Variants in LIPC observed in about 807,000 individuals in gnomAD.
The protein encoded by LIPC is hepatic triacylglycerol lipase.
A neutral mutation model predicts 50.7 loss-of-function variants in LIPC; 44 were observed. That is an observed-to-expected ratio of 0.87 (90% CI 0.68 to 1.11). The LOEUF is 1.11. Ranked by LOEUF, LIPC falls within the 50% of genes most tolerant of loss-of-function variation. The pLI is 0.00. For missense variants in LIPC, 697 were observed against 648.2 expected, an observed-to-expected ratio of 1.08 and a Z score of -0.82; for synonymous variants, 271 against 256.4, an observed-to-expected ratio of 1.06 and a Z score of -0.54.
chr15:58,548,275 G>C (rs1893607166), intron 5 of LIPC, 55 bp from the exon 6 acceptor site: 2 of 1,613,112 alleles, frequency 1.2e-6, no homozygotes, highest in South Asian at 1.1e-5. Flanking sequence ...GATCCTCTGA[G>C]TTGAGGCTGC....
intron 1 of LIPC, among the ~76,000 whole-genome samples, chr15:58,447,228 T>A (rs1468641551): frequency 4.0e-5 from 6 of 150,350 alleles, no homozygotes; most frequent in Admixed American, 4.0e-4. Context: ...CCGGAGCTCA[T>A]GGAAAGCATC....
At chr15:58,450,386 G>C (rs1280059993) in intron 1 of LIPC, among the ~76,000 whole-genome samples, 2 of 152,120 alleles carry the variant, frequency 1.3e-5, no homozygotes, top group African/African-American at 2.4e-5. Context: ...TTCTGTTGCT[G>C]GTCCTGCATC....
intron 6 of LIPC, 38 bp downstream of exon 6, chr15:58,548,610 T>C: frequency 6.4e-7 from 1 of 1,571,396 alleles, no homozygotes. Flanking sequence ...AAGGGCAGGA[T>C]GCAGTCCCCT....
intron 1 of LIPC, among the ~76,000 whole-genome samples, chr15:58,462,232 C>T (rs1894378788): frequency 6.6e-6 from 1 of 152,184 alleles, no homozygotes; most frequent in Non-Finnish European, 1.5e-5. Flanking sequence ...GAGGCTGGGC[C>T]TTAGTACAGT....
chr15:58,476,003 A>G (rs1046143469), intron 1 of LIPC, among the ~76,000 whole-genome samples: 1 of 152,244 alleles, frequency 6.6e-6, no homozygotes, highest in Admixed American at 6.5e-5. Context: ...GTGACAGATC[A>G]TTTACGGGAT....
intron 8 of LIPC, chr15:58,565,767 G>A: frequency 2.0e-6 from 2 of 988,928 alleles, no homozygotes; most frequent in Non-Finnish European, 2.4e-6. Flanking sequence ...TTGCAGTGCT[G>A]GACATTAACA....
At chr15:58,567,265 A>ATGTGTGTGTG (rs113085870) in intron 8 of LIPC, among the ~76,000 whole-genome samples, 17 of 118,544 alleles carry the variant, frequency 1.4e-4, no homozygotes, top group Non-Finnish European at 1.3e-4. Flanking sequence ...ATATATGTAT[A>ATGTGTGTGTG]TGTGTGTGTG....
chr15:58,509,082 T>G (rs1444625133), intron 1 of LIPC, among the ~76,000 whole-genome samples: 1 of 152,218 alleles, frequency 6.6e-6, no homozygotes, highest in Admixed American at 6.5e-5. Flanking sequence ...AGGATATGTA[T>G]GCAGGCAATT....
At chr15:58,512,551 G>A (rs1381482462) in intron 1 of LIPC, among the ~76,000 whole-genome samples, 2 of 152,196 alleles carry the variant, frequency 1.3e-5, no homozygotes, top group African/African-American at 2.4e-5. Context: ...TGGGCCGGCT[G>A]GGTCTGCGAG....
chr15:58,512,172 C>T (rs1409240201), intron 1 of LIPC, among the ~76,000 whole-genome samples: 1 of 151,234 alleles, frequency 6.6e-6, no homozygotes, highest in Non-Finnish European at 1.5e-5. Context: ...GATCTCAGCT[C>T]ACTGCAACCT....
At chr15:58,512,960 CG>C (rs1407225465) in intron 1 of LIPC, among the ~76,000 whole-genome samples, 1 of 129,236 alleles carries the variant, frequency 7.7e-6, no homozygotes, top group African/African-American at 2.8e-5. Flanking sequence ...AAAGCATCAA[CG>C]AAAAAAAAAA....
intron 1 of LIPC, among the ~76,000 whole-genome samples, chr15:58,509,304 C>T (rs1452207926): frequency 6.6e-6 from 1 of 152,216 alleles, no homozygotes; most frequent in African/African-American, 2.4e-5. Context: ...TGTTCATTAA[C>T]TCCTATTAGG....
intron 8 of LIPC, chr15:58,565,052 C>A: frequency 1.4e-6 from 1 of 721,394 alleles, no homozygotes; most frequent in Non-Finnish European, 2.3e-6. Context: ...GGTTTCACTG[C>A]CAGATGCCGG....
At chr15:58,539,243 C>A (rs2233739) in intron 2 of LIPC, among the ~76,000 whole-genome samples, 19,019 of 152,226 alleles carry the variant, frequency 0.12, 1,657 homozygotes, top group African/African-American at 0.23. Context: ...AAGCGTACAA[C>A]TTATCCATTT....
chr15:58,478,729 G>A (rs1473854915), intron 1 of LIPC, among the ~76,000 whole-genome samples: 1 of 152,166 alleles, frequency 6.6e-6, no homozygotes, highest in Non-Finnish European at 1.5e-5. Context: ...TGAGCTACTA[G>A]AACTACTGCA....
chr15:58,550,898 G>A (rs56171273), intron 6 of LIPC, among the ~76,000 whole-genome samples: 45,530 of 135,004 alleles, frequency 0.34, 8,877 homozygotes, highest in Middle Eastern at 0.55. Flanking sequence ...GTGCAGTGGC[G>A]TGATCTTGGC....
At chr15:58,432,160 T>C in intron 1 of LIPC, 40 bp downstream of exon 1, 2 of 1,435,162 alleles carry the variant, frequency 1.4e-6, no homozygotes, top group Non-Finnish European at 2.0e-6. Flanking sequence ...GCATGAACTT[T>C]TCTTTTTAAA....
intron 6 of LIPC, among the ~76,000 whole-genome samples, chr15:58,554,193 T>C (rs1365444499): frequency 6.6e-6 from 1 of 152,224 alleles, no homozygotes; most frequent in African/African-American, 2.4e-5. Flanking sequence ...ACCAGCAGGG[T>C]CCACACAGGG....
In LIPC at chr15:58,541,982, C is replaced by A. The variant is rs748573525; in HGVS notation, c.456+15C>A. The stretch of plus-strand genomic sequence containing the variant: ...GGTGGCTGGAGGTACCGACCTGCCC[C>A]ATCCTTCCTTCACCTCCCTTCCCTC... On this transcript the variant is annotated intron_variant, in intron 3 of 8. Transcript: ENST00000299022. The A allele has an allele frequency of 6.2e-7, 1 of 1,601,964 alleles. No individual in the cohort carries two copies. Among genetic ancestry groups the A allele is most frequent in the East Asian group, 2.3e-5 (1 of 44,184 alleles).
Sources: gnomAD v4.1 joint callset for allele counts (sites outside exome capture counted in the v4.1 genomes callset) on GRCh38, gnomAD v4.1.1 for gene constraint, MANE v1.5 for transcripts, NCBI Gene and HGNC (gene_info 2026-07-23, HGNC 2026-07-21) for gene names.